Variants in ATRN observed in about 807,000 individuals in gnomAD.
ATRN encodes attractin-2.
A neutral mutation model predicts 178.7 loss-of-function variants in ATRN; 54 were observed. The ratio of observed to expected loss-of-function variants is 0.30; its 90% CI spans 0.24 to 0.38. The LOEUF (loss-of-function observed/expected upper bound fraction) is 0.38, where lower values mean the gene tolerates loss of function less well. Ranked by LOEUF, ATRN falls within the 10% of genes least tolerant of loss-of-function variation. The pLI is 1.00. For missense variants in ATRN, 1,443 were observed against 1,815.1 expected (o/e 0.79, Z 3.73); for synonymous variants, 636 against 663.0 (o/e 0.96, Z 0.63).
At chr20:3,575,107 G>C (rs2086187626) in intron 12 of ATRN, among the ~76,000 whole-genome samples, 1 of 152,136 alleles carries the variant, frequency 6.6e-6, no homozygotes, top group Non-Finnish European at 1.5e-5. Flanking sequence ...GGGATTACAG[G>C]AACGCGCCAC....
intron 1 of ATRN, among the ~76,000 whole-genome samples, chr20:3,503,527 T>G (rs1399025223): frequency 2.0e-5 from 3 of 151,980 alleles, no homozygotes; most frequent in Admixed American, 1.3e-4. Flanking sequence ...TAAAATTAAT[T>G]AAAACTAAAT....
intron 1 of ATRN, among the ~76,000 whole-genome samples, chr20:3,504,158 A>G (rs1208064479): frequency 5.9e-5 from 9 of 152,196 alleles, no homozygotes; most frequent in Non-Finnish European, 1.2e-4. Flanking sequence ...AGGACTGTCA[A>G]TCGTGAATTT....
At chr20:3,578,889 A>T (rs2086245771) in intron 15 of ATRN, 117 bp downstream of exon 15, 2 of 965,748 alleles carry the variant, frequency 2.1e-6, no homozygotes, top group Admixed American at 5.7e-5. Context: ...CAAGAAGGGG[A>T]GTGCTGGTGA....
chr20:3,604,009 A>T, intron 23 of ATRN, 96 bp from the exon 24 acceptor site: 2 of 1,025,148 alleles, frequency 2.0e-6, no homozygotes, highest in Non-Finnish European at 2.8e-6. Context: ...AATGTTTGAT[A>T]AATGCTATTG....
Position 3,489,594 on chromosome 20 carries a change from C to G in ATRN, c.410+18077C>G, listed in dbSNP as rs2084754058. 2.7e-6 allele frequency: 4 copies of G among 1,478,568 alleles called. 1 individual carries two copies. The South Asian group carries it at 4.5e-5, about 17-fold the overall frequency. The allele number at this position is 1,478,568 out of a possible 1,614,324, so 91.6% of individuals were successfully genotyped here. On this transcript the variant is annotated intron_variant, in intron 1 of 28. Coordinates refer to ENST00000262919, the MANE Select transcript of ATRN (RefSeq NM_139321.3). ...TTATTCACAACATTCCCACTTGAGT[C>G]TTCATATTCTTCCTCCAGTGTCAGG...
At chr20:3,540,363 C>A in intron 3 of ATRN, 28 bp downstream of exon 3, 1 of 1,391,258 alleles carries the variant, frequency 7.2e-7, no homozygotes, top group Non-Finnish European at 1.0e-6. Context: ...AGCCTTCTTT[C>A]ATCGTTTGAT....
rs547078892 is a variant in ATRN at position 3,538,998 on chromosome 20, A to G, written c.495-1224A>G. Among the ~76,000 whole-genome samples the G allele has an allele frequency of 2.6e-5, 4 of 152,202 alleles. No individual in the cohort carries two copies. The South Asian group carries it at 8.3e-4, about 32-fold the overall frequency. On this transcript the variant is annotated intron_variant, in intron 2 of 28. Transcript: ENST00000262919. ...GTCTCTTGTCATTCTCACATCTCCA[A>G]AGCTTACTGGCCTATCTCCCTACGA...
intron 18 of ATRN, among the ~76,000 whole-genome samples, chr20:3,585,788 T>TA (rs1229365007): frequency 6.6e-6 from 1 of 152,124 alleles, no homozygotes; most frequent in African/African-American, 2.4e-5. Flanking sequence ...AGGATTTAAA[T>TA]AGACATATGT....
chr20:3,638,421 T>C lies in ATRN; in HGVS notation c.3943-407T>C, dbSNP rs771333965. On this transcript the variant is annotated intron_variant, in intron 26 of 28. Coordinates refer to ENST00000262919, the MANE Select transcript of ATRN (RefSeq NM_139321.3). The surrounding 1 kb of genome is among the most constrained non-coding windows in gnomAD (Gnocchi z 4.5). ...TCCTGTGTTGGTTTGCTGAGACTGATGGCTTCCAGCTTCATCCGTGTCCCT... is the reference window on the plus strand; with the variant it reads ...TCCTGTGTTGGTTTGCTGAGACTGACGGCTTCCAGCTTCATCCGTGTCCCT... Among the ~76,000 whole-genome samples, 10 of 152,206 alleles carry C rather than the reference T, an allele frequency of 6.6e-5. No individual in the cohort carries two copies. The highest frequency in any genetic ancestry group is 4.4e-5 in the Non-Finnish European group (3 of 68,048).
At chr20:3,540,936 A>G (rs1264195678) in intron 3 of ATRN, among the ~76,000 whole-genome samples, 1 of 152,128 alleles carries the variant, frequency 6.6e-6, no homozygotes, top group East Asian at 1.9e-4. Flanking sequence ...AAGCAGTTTA[A>G]CACCAAATAT....
chr20:3,556,262 G>A (rs2085875134), intron 6 of ATRN, among the ~76,000 whole-genome samples: 1 of 152,188 alleles, frequency 6.6e-6, no homozygotes, highest in Admixed American at 6.5e-5. Flanking sequence ...AGGTGTTTCA[G>A]AAAAATTTTA....
intron 19 of ATRN, among the ~76,000 whole-genome samples, chr20:3,593,973 G>A (rs762616311): frequency 1.5e-4 from 23 of 152,112 alleles, no homozygotes; most frequent in Non-Finnish European, 3.2e-4. Context: ...CCCCTAAAGC[G>A]CTGACCTTGG....
At position 3,646,715 on chromosome 20, in the gene ATRN, C is replaced by T. The variant is rs563450810; in HGVS notation, c.4166-8C>T. 79 of 1,594,260 alleles carry T rather than the reference C, an allele frequency of 5.0e-5. No homozygotes were observed. In the South Asian group the frequency reaches 8.7e-4, roughly 18 times the overall value. ...CCCAGCATATGTTCTCTCTGTGGTT[C>T]TCCCAAGGTCTTGCTGTGGCCAGCG... On this transcript the variant is annotated splice_polypyrimidine_tract_variant and splice_region_variant and intron_variant, in intron 28 of 28. Coordinates refer to ENST00000262919, the MANE Select transcript of ATRN (RefSeq NM_139321.3).
chr20:3,552,270 C>T (rs1230426335), intron 6 of ATRN, among the ~76,000 whole-genome samples: 1 of 152,144 alleles, frequency 6.6e-6, no homozygotes, highest in African/African-American at 2.4e-5. Flanking sequence ...GGCCTTTATA[C>T]TTGGTGACTC....
intron 1 of ATRN, among the ~76,000 whole-genome samples, chr20:3,515,132 A>G (rs1378677887): frequency 3.1e-4 from 47 of 152,212 alleles, no homozygotes; most frequent in Non-Finnish European, 2.9e-5. Context: ...ATGAACGTCT[A>G]AAACAGCTGC....
intron 1 of ATRN, 98 bp from the exon 2 acceptor site, chr20:3,535,148 TATTAAGA>T (rs2085508073): frequency 2.6e-6 from 1 of 381,514 alleles, no homozygotes; most frequent in Admixed American, 5.2e-5. Context: ...ATTTGTATTA[TATTAAGA>T]ATTAAGAAAT....
chr20:3,556,392 G>A (rs2146214202), intron 6 of ATRN, among the ~76,000 whole-genome samples: 1 of 152,326 alleles, frequency 6.6e-6, no homozygotes, highest in Middle Eastern at 3.4e-3. Context: ...TTATTTGGGA[G>A]GCCTCAGGTA....
rs796841030 is a variant in ATRN at position 3,482,272 on chromosome 20, CA to C, written c.410+10765del. On this transcript the variant is annotated intron_variant, in intron 1 of 28. Transcript: ENST00000262919. ...TGTAAGGAAAAGCATGAGTTGTAGA[CA>C]AAAAAAAAAGACATTACATTTTGGG... 4.7e-3 allele frequency among the ~76,000 whole-genome samples: 663 copies of C among 139,606 alleles called. 2 individuals are homozygous for C. The highest frequency in any genetic ancestry group is 0.014 in the African/African-American group (527 of 38,098). The allele number at this position is 139,606 out of a possible 152,430, so 91.6% of individuals were successfully genotyped here.
Position 3,555,069 on chromosome 20 carries a change from C to T in ATRN, c.1113-4324C>T, listed in dbSNP as rs887959447. ...AGGCTGGAGTGCAGTGGCGTGATCT[C>T]GGCTCACTGCAGGCTCCGCCCCCTG... On this transcript the variant is annotated intron_variant, in intron 6 of 28. Transcript: ENST00000262919. Among the ~76,000 whole-genome samples, 345 of 140,806 alleles carry T rather than the reference C, an allele frequency of 2.5e-3. 1 individual carries two copies. The highest frequency in any genetic ancestry group is 9.0e-3 in the African/African-American group (332 of 36,934). The allele number at this position is 140,806 out of a possible 152,430, so 92.4% of individuals were successfully genotyped here. A position where few individuals can be genotyped will look rare whatever the true frequency, so the allele number is the denominator to read the frequency against.
Sources: allele counts gnomAD v4.1 joint callset (sites outside exome capture counted in the v4.1 genomes callset), GRCh38; gene constraint gnomAD v4.1.1; non-coding constraint Gnocchi (gnomAD v3.1); transcripts MANE v1.5; gene names NCBI Gene and HGNC (gene_info 2026-07-23, HGNC 2026-07-21).